Variants in CLASP1 observed in about 807,000 individuals in gnomAD.
The protein encoded by CLASP1 is cytoplasmic linker associated protein 1.
A neutral mutation model predicts 192.3 loss-of-function variants in CLASP1; 38 were observed. That is an observed-to-expected ratio of 0.20 (90% CI 0.15 to 0.26). The LOEUF (loss-of-function observed/expected upper bound fraction) is 0.26, where lower values mean the gene tolerates loss of function less well. Ranked by LOEUF, CLASP1 falls within the 10% of genes least tolerant of loss-of-function variation. CLASP1 has a pLI of 1.00. For synonymous variants in CLASP1, 691 were observed against 712.8 expected (o/e 0.97, Z 0.49); for missense variants, 1,433 against 1,932.5 (o/e 0.74, Z 4.85).
chr2:121,464,691 GTTGT>G (rs769928039), intron 9 of CLASP1, among the ~76,000 whole-genome samples: 6 of 152,074 alleles, frequency 3.9e-5, no homozygotes, highest in South Asian at 2.1e-4. Context: ...TTTTGATGGG[GTTGT>G]TTGTTTTTTT....
intron 30 of CLASP1, among the ~76,000 whole-genome samples, chr2:121,393,511 TTAGAG>T (rs1207741140): frequency 6.6e-6 from 1 of 152,234 alleles, no homozygotes; most frequent in East Asian, 1.9e-4. Context: ...ATTTTAGATC[TTAGAG>T]TAGTGATAAA....
At chr2:121,448,211 C>T in intron 18 of CLASP1, 65 bp downstream of exon 18, 1 of 1,442,186 alleles carries the variant, frequency 6.9e-7, no homozygotes, top group Non-Finnish European at 9.8e-7. Flanking sequence ...TGGGCAGCCT[C>T]TTGCAGCTGC....
At position 121,448,871 on chromosome 2, in the gene CLASP1, A is replaced by C. The variant is rs922371168; in HGVS notation, c.1691+82T>G. ...TTTTAACAAGCACCCATGTAAAAACATAGCTAGAATTTGTGTTTTCATGTG... is the reference window on the plus strand; with the variant it reads ...TTTTAACAAGCACCCATGTAAAAACCTAGCTAGAATTTGTGTTTTCATGTG... On this transcript the variant is annotated intron_variant, in intron 17 of 39. Transcript: ENST00000263710. 4 of 1,407,058 alleles carry C rather than the reference A, an allele frequency of 2.8e-6. No individual in the cohort carries two copies. The South Asian group carries it at 5.4e-5, about 19-fold the overall frequency. The allele number at this position is 1,407,058 out of a possible 1,614,324, so 87.2% of individuals were successfully genotyped here.
chr2:121,468,118 CT>C (rs1394920317), intron 9 of CLASP1, among the ~76,000 whole-genome samples: 1 of 152,124 alleles, frequency 6.6e-6, no homozygotes, highest in African/African-American at 2.4e-5. Flanking sequence ...TTCTTTATTT[CT>C]GGGTTCTCTC....
intron 1 of CLASP1, among the ~76,000 whole-genome samples, chr2:121,640,523 C>T (rs111815182): frequency 0.014 from 2,111 of 152,268 alleles, 52 homozygotes; most frequent in African/African-American, 0.048. Context: ...AAGGACTGTA[C>T]AGTCACCTGA....
chr2:121,420,452 C>T (rs990045357), intron 22 of CLASP1, among the ~76,000 whole-genome samples: 9 of 152,180 alleles, frequency 5.9e-5, no homozygotes, highest in African/African-American at 2.2e-4. Flanking sequence ...AGAACCAATG[C>T]CAAATCTGAG....
intron 19 of CLASP1, chr2:121,445,067 C>T (rs1559221452): frequency 3.4e-6 from 2 of 595,320 alleles, no homozygotes; most frequent in Non-Finnish European, 5.6e-6. Context: ...AGCAAAAGTA[C>T]AATTTAAAAC....
At chr2:121,416,138 G>C (rs2078531728) in intron 23 of CLASP1, among the ~76,000 whole-genome samples, 1 of 152,128 alleles carries the variant, frequency 6.6e-6, no homozygotes, top group Non-Finnish European at 1.5e-5. Flanking sequence ...TCCTTAAAAA[G>C]TGGTCCTTTA....
intron 5 of CLASP1, among the ~76,000 whole-genome samples, chr2:121,526,204 G>GC (rs2094570009): frequency 6.6e-6 from 1 of 152,212 alleles, no homozygotes; most frequent in South Asian, 2.1e-4. Context: ...CAGAGCTCCA[G>GC]CCCCCCAGGT....
At chr2:121,613,630 A>T (rs78519850) in intron 1 of CLASP1, among the ~76,000 whole-genome samples, 38 of 15,738 alleles carry the variant, frequency 2.4e-3, no homozygotes, top group East Asian at 0.014. Flanking sequence ...CTTTTTTTTT[A>T]AAAAAAAAAA....
chr2:121,362,684 A>C (rs952794606), intron 37 of CLASP1, among the ~76,000 whole-genome samples: 3 of 152,204 alleles, frequency 2.0e-5, no homozygotes, highest in Non-Finnish European at 2.9e-5. Flanking sequence ...TTCTCATGAG[A>C]AACTTTGTGA....
In CLASP1 at chr2:121,531,035, A is replaced by T. The variant is rs145912024; in HGVS notation, c.196-710T>A. 7.2e-6 allele frequency: 5 copies of T among 699,226 alleles called. 1 individual carries two copies. In the Admixed American group the frequency reaches 8.0e-5, roughly 11 times the overall value. 43.3% of individuals were successfully genotyped at this position (699,226 alleles called of 1,614,324 possible). A position where few individuals can be genotyped will look rare whatever the true frequency, so the allele number is the denominator to read the frequency against. ...GAAAACCTGTTTTCATAGACTTATC[A>T]GTTCAAACAGCAGTAATTCGTAAAT... is the stretch of plus-strand genomic sequence containing the variant. On this transcript the variant is annotated intron_variant, in intron 2 of 39. Coordinates refer to ENST00000263710, the Ensembl canonical transcript of CLASP1.
intron 37 of CLASP1, among the ~76,000 whole-genome samples, chr2:121,361,547 G>A (rs2066411276): frequency 6.6e-6 from 1 of 152,132 alleles, no homozygotes; most frequent in South Asian, 2.1e-4. Flanking sequence ...GGTTTTGAAT[G>A]CAGCCCAACA....
intron 14 of CLASP1, among the ~76,000 whole-genome samples, chr2:121,453,513 A>G (rs182555954): frequency 6.6e-6 from 1 of 152,270 alleles, no homozygotes; most frequent in African/African-American, 2.4e-5. Flanking sequence ...TTTTCAAAGG[A>G]AAAGACACCA....
At chr2:121,518,017 G>A (rs932076081) in intron 6 of CLASP1, among the ~76,000 whole-genome samples, 1 of 150,568 alleles carries the variant, frequency 6.6e-6, no homozygotes, top group Non-Finnish European at 1.5e-5. Flanking sequence ...CGAGTTCAAG[G>A]TCAGGAGTTC....
At chr2:121,442,208 C>T (rs576210695) in intron 19 of CLASP1, among the ~76,000 whole-genome samples, 2 of 152,264 alleles carry the variant, frequency 1.3e-5, no homozygotes, top group African/African-American at 4.8e-5. Context: ...TAATCATAAA[C>T]TTCCTCATGT....
intron 36 of CLASP1, chr2:121,364,851 T>C (rs1403162575): frequency 1.9e-6 from 1 of 526,798 alleles, no homozygotes; most frequent in Non-Finnish European, 3.4e-6. Context: ...GAATGAAGTT[T>C]CCTCAACTAC....
chr2:121,392,215 A>T (rs542164800), intron 30 of CLASP1, among the ~76,000 whole-genome samples: 1 of 152,256 alleles, frequency 6.6e-6, no homozygotes, highest in East Asian at 1.9e-4. Flanking sequence ...ATAAGCAAAC[A>T]TACAGGCATT....
At chr2:121,440,442 G>A (rs566199239) in intron 19 of CLASP1, among the ~76,000 whole-genome samples, 1 of 152,356 alleles carries the variant, frequency 6.6e-6, no homozygotes, top group Non-Finnish European at 1.5e-5. Context: ...GCTCACGCCT[G>A]TAATCCCAGC....
Sources: gnomAD v4.1 joint callset for allele counts (sites outside exome capture counted in the v4.1 genomes callset) on GRCh38, gnomAD v4.1.1 for gene constraint, MANE v1.5 for transcripts, NCBI Gene and HGNC (gene_info 2026-07-23, HGNC 2026-07-21) for gene names.